Variants in IGSF21 observed in about 807,000 individuals in gnomAD.
IGSF21 encodes immunoglobin superfamily member 21, also known as immunoglobulin superfamily member 21.
A neutral mutation model predicts 46.8 loss-of-function variants in IGSF21; 28 were observed. The ratio of observed to expected loss-of-function variants is 0.60; its 90% CI spans 0.44 to 0.82. The LOEUF (loss-of-function observed/expected upper bound fraction) is 0.82. Ranked by LOEUF, IGSF21 falls within the 40% of genes least tolerant of loss-of-function variation. The probability of loss-of-function intolerance (pLI) is 0.00; values close to 1 mark genes in which losing one functional copy is unlikely to be tolerated. For synonymous variants in IGSF21, 284 were observed against 273.6 expected, an observed-to-expected ratio of 1.04 and a Z score of -0.38; for missense variants, 624 against 665.5, an observed-to-expected ratio of 0.94 and a Z score of 0.69.
At chr1:18,341,045 C>CTTCTTCTTCTTCTTCT (rs55780171) in intron 4 of IGSF21, among the ~76,000 whole-genome samples, 2,478 of 77,648 alleles carry the variant, frequency 0.032, 47 homozygotes, top group Middle Eastern at 0.049. Flanking sequence ...CTTCTTCTTC[C>CTTCTTCTTCTTCTTCT]TCTTCCTCTT....
intron 1 of IGSF21, among the ~76,000 whole-genome samples, chr1:18,159,685 CTTT>C (rs11371899): frequency 7.2e-6 from 1 of 138,752 alleles, no homozygotes; most frequent in Non-Finnish European, 1.5e-5. Context: ...TCGGGTATGT[CTTT>C]TTTTTTTTTT....
intron 3 of IGSF21, among the ~76,000 whole-genome samples, chr1:18,307,313 G>A (rs2085436414): frequency 6.6e-6 from 1 of 152,116 alleles, no homozygotes; most frequent in South Asian, 2.1e-4. Flanking sequence ...CCATGGGAGC[G>A]ATGATATAGC....
rs757082291 is a variant in IGSF21 at position 18,334,937 on chromosome 1, T to C, written c.351T>C (p.His117=). The C allele has an allele frequency of 1.2e-5, 19 of 1,614,126 alleles. No individual in the cohort carries two copies. The Middle Eastern group carries it at 6.6e-4, about 56-fold the overall frequency. The change falls in exon 4 of 10, where the codon CAT becomes CAC. Residue 117 remains histidine, a synonymous_variant. Coordinates refer to ENST00000251296, the MANE Select transcript of IGSF21 (RefSeq NM_032880.5). This position sits in a 1 kb window ranked among gnomAD's most constrained non-coding sequence, Gnocchi z 4.3. ...CAGACAATGGTCCCTATGAGTGCCA[T>C]GTGGGCATCTACGACCGCGCCACCA... ...RISDNGPYEC[H]VGIYDRATRE... is the part of the protein sequence containing the mutation.
intron 5 of IGSF21, among the ~76,000 whole-genome samples, chr1:18,363,645 AGGCACAGATGGAGCAATGGGCAGG>A (rs1279161037): frequency 6.6e-6 from 1 of 151,312 alleles, no homozygotes; most frequent in East Asian, 1.9e-4. Context: ...AGAGGTGCAG[AGGCACAGATGGAGCAATGGGCAGG>A]GGCACAGAAG....
intron 1 of IGSF21, among the ~76,000 whole-genome samples, chr1:18,147,611 G>A (rs779466378): frequency 1.3e-5 from 2 of 151,818 alleles, no homozygotes; most frequent in African/African-American, 2.4e-5. Context: ...TAATTTTGTT[G>A]GTTTTTTTGC....
intron 2 of IGSF21, among the ~76,000 whole-genome samples, chr1:18,269,788 G>T (rs1348363211): frequency 6.6e-6 from 1 of 152,036 alleles, no homozygotes; most frequent in African/African-American, 2.4e-5. Flanking sequence ...TCCCCGCAGG[G>T]CCCCTTGAGA....
intron 4 of IGSF21, among the ~76,000 whole-genome samples, chr1:18,352,460 TC>T (rs1419810266): frequency 6.6e-6 from 1 of 152,128 alleles, no homozygotes; most frequent in African/African-American, 2.4e-5. Flanking sequence ...GATTTGCGTT[TC>T]TAATAAGCTC....
At chr1:18,246,807 C>T (rs936177011) in intron 2 of IGSF21, among the ~76,000 whole-genome samples, 2 of 152,196 alleles carry the variant, frequency 1.3e-5, no homozygotes, top group African/African-American at 2.4e-5. Flanking sequence ...TCAGGCTCTG[C>T]ACCCTGCCCC....
At chr1:18,278,617 G>C (rs1312485528) in intron 2 of IGSF21, among the ~76,000 whole-genome samples, 1 of 151,788 alleles carries the variant, frequency 6.6e-6, no homozygotes, top group African/African-American at 2.4e-5. Context: ...ACAGTGGCGA[G>C]ATCTTGGCTT....
At chr1:18,272,194 T>C (rs1478816735) in intron 2 of IGSF21, among the ~76,000 whole-genome samples, 1 of 152,090 alleles carries the variant, frequency 6.6e-6, no homozygotes, top group Non-Finnish European at 1.5e-5. Context: ...TCATCTCTCG[T>C]GAGACTTATT....
chr1:18,155,106 C>T (rs2086556569), intron 1 of IGSF21, among the ~76,000 whole-genome samples: 1 of 152,096 alleles, frequency 6.6e-6, no homozygotes, highest in East Asian at 1.9e-4. Flanking sequence ...TAGCCAGTCA[C>T]AAGGGTCTCC....
chr1:18,181,693 G>T (rs189663117), intron 1 of IGSF21, among the ~76,000 whole-genome samples: 2 of 152,224 alleles, frequency 1.3e-5, no homozygotes, highest in African/African-American at 4.8e-5. Flanking sequence ...GGGAACAGGG[G>T]AGGCCTTCTG....
At chr1:18,363,538 C>A (rs564008942) in intron 5 of IGSF21, among the ~76,000 whole-genome samples, 1 of 151,290 alleles carries the variant, frequency 6.6e-6, no homozygotes, top group African/African-American at 2.4e-5. Flanking sequence ...GGACAGCGGG[C>A]AAGGGCACAG....
chr1:18,289,350 C>T (rs900968753), intron 2 of IGSF21, among the ~76,000 whole-genome samples: 11 of 152,148 alleles, frequency 7.2e-5, no homozygotes, highest in African/African-American at 2.7e-4. Flanking sequence ...CATCCTTTCT[C>T]CTAATGAGCC....
intron 3 of IGSF21, among the ~76,000 whole-genome samples, chr1:18,316,768 T>C (rs1477038329): frequency 6.6e-6 from 1 of 152,248 alleles, no homozygotes; most frequent in African/African-American, 2.4e-5. Flanking sequence ...CATAATATAG[T>C]CATACTACCT....
chr1:18,227,251 T>C (rs2084577494), intron 1 of IGSF21, among the ~76,000 whole-genome samples: 1 of 152,020 alleles, frequency 6.6e-6, no homozygotes, highest in Admixed American at 6.5e-5. Context: ...AGGAAGCCAA[T>C]GGTGGTTTCC....
intron 3 of IGSF21, among the ~76,000 whole-genome samples, chr1:18,298,567 G>A (rs1019589872): frequency 6.6e-6 from 1 of 152,220 alleles, no homozygotes; most frequent in African/African-American, 2.4e-5. Flanking sequence ...TGGGGGCCAT[G>A]TAGAGAAAGC....
intron 1 of IGSF21, among the ~76,000 whole-genome samples, chr1:18,183,868 G>A (rs1458030283): frequency 1.3e-5 from 2 of 152,148 alleles, no homozygotes; most frequent in African/African-American, 4.8e-5. Flanking sequence ...CACTGGGCAA[G>A]CCTATTCCAA....
At chr1:18,273,449 T>TCCTTTC (rs1569691493) in intron 2 of IGSF21, among the ~76,000 whole-genome samples, 4 of 93,636 alleles carry the variant, frequency 4.3e-5, no homozygotes, top group Admixed American at 4.0e-4. Context: ...TTTCTCACTT[T>TCCTTTC]CTTTCTTTCT....
Sources: allele counts gnomAD v4.1 joint callset (sites outside exome capture counted in the v4.1 genomes callset), GRCh38; gene constraint gnomAD v4.1.1; non-coding constraint Gnocchi (gnomAD v3.1); transcripts MANE v1.5; gene names NCBI Gene and HGNC (gene_info 2026-07-23, HGNC 2026-07-21).